The following TMEM266 variants were observed in gnomAD, a reference collection of about 807,000 sequenced individuals.
The protein encoded by TMEM266 is transmembrane protein 266.
Under a neutral mutation model 50.5 loss-of-function variants are expected in TMEM266, and 33 were observed. The ratio of observed to expected loss-of-function variants is 0.65; its 90% CI spans 0.50 to 0.87. The LOEUF (loss-of-function observed/expected upper bound fraction) is 0.87, where lower values mean the gene tolerates loss of function less well. TMEM266 is among the 40% of genes least tolerant of loss of function. The pLI is 0.00. For synonymous variants in TMEM266, 310 were observed against 292.3 expected (o/e 1.06, Z -0.62); for missense variants, 655 against 695.1 (o/e 0.94, Z 0.65).
chr15:76,169,842 G>C lies in TMEM266; in HGVS notation c.483G>C (p.Gly161=). 6.2e-7 allele frequency: 1 copy of C among 1,613,964 alleles called. No individual in the cohort carries two copies. The change falls in exon 6 of 11, where the codon GGG becomes GGC. Residue 161 remains glycine (G), a synonymous_variant. Transcript: ENST00000388942. ...CTGTTCTACGGATTGTGGTGCTTGG[G>C]ATCTGGGATTACATCGAAAACAAAA...
In TMEM266 at chr15:76,168,219, G is replaced by A. The variant is rs899671802; in HGVS notation, c.457-1597G>A. On this transcript the variant is annotated intron_variant, in intron 5 of 10. Coordinates refer to ENST00000388942, the MANE Select transcript of TMEM266 (RefSeq NM_152335.3). The surrounding 1 kb of genome is among the most constrained non-coding windows in gnomAD (Gnocchi z 4.4). ...GTGGGGCCACCCACCCAGAGACCGGGAAGTTATAGCGGAGCGGACTTCGGG... is the reference window on the plus strand; with the variant it reads ...GTGGGGCCACCCACCCAGAGACCGGAAAGTTATAGCGGAGCGGACTTCGGG... Among the ~76,000 whole-genome samples, 1 of 152,220 alleles carries A rather than the reference G, an allele frequency of 6.6e-6. No homozygotes were observed. Among genetic ancestry groups the A allele is most frequent in the African/African-American group, 2.4e-5 (1 of 41,458 alleles).
chr15:76,203,845 A>G lies in TMEM266; in HGVS notation c.1126A>G (p.Lys376Glu). 6.2e-7 allele frequency: 1 copy of G among 1,614,170 alleles called. No homozygotes were observed. Among genetic ancestry groups the G allele is most frequent in the South Asian group, 1.1e-5 (1 of 91,084 alleles). Residue 376 changes from lysine to glutamate, a missense_variant, in exon 11 of 11, where the codon AAA (lysine) becomes GAA (glutamate). Around this residue, in one of 3 missense-constraint regions of TMEM266, gnomAD observed 455 missense variants for 401.8 expected, o/e 1.13. Transcript: ENST00000388942. ...CCTCTTCTCTCTGGACATGCCCCTCAAACTCGGCGGTAATGGCACCAGCGC... is the reference window on the plus strand; with the variant it reads ...CCTCTTCTCTCTGGACATGCCCCTCGAACTCGGCGGTAATGGCACCAGCGC...
intron 1 of TMEM266, among the ~76,000 whole-genome samples, chr15:76,100,329 A>G (rs757743684): frequency 5.9e-5 from 9 of 152,238 alleles, no homozygotes; most frequent in Non-Finnish European, 1.0e-4. Flanking sequence ...GATTACTTTC[A>G]TAATTTAAAA....
chr15:76,124,523 G>C (rs2037390267), intron 1 of TMEM266, among the ~76,000 whole-genome samples: 1 of 152,108 alleles, frequency 6.6e-6, no homozygotes, highest in Admixed American at 6.5e-5. Flanking sequence ...AGTGAGTTGG[G>C]TGCAGTGTCT....
At chr15:76,093,123 A>T (rs970415263) in intron 1 of TMEM266, among the ~76,000 whole-genome samples, 1 of 151,068 alleles carries the variant, frequency 6.6e-6, no homozygotes, top group African/African-American at 2.4e-5. Context: ...ATTTTTATTT[A>T]TTTATTTATT....
intron 8 of TMEM266, among the ~76,000 whole-genome samples, chr15:76,187,090 A>C (rs911012123): frequency 6.6e-6 from 1 of 152,190 alleles, no homozygotes; most frequent in Non-Finnish European, 1.5e-5. Flanking sequence ...TTTTCATTCC[A>C]AAACCTGTAA....
rs76689960 is a variant in TMEM266, at chr15:76,153,962, G to A, written c.228-2642G>A. 0.093 allele frequency among the ~76,000 whole-genome samples: 14,216 copies of A among 152,226 alleles called. 987 individuals carry two copies. The highest frequency in any genetic ancestry group is 0.21 in the Admixed American group (3,256 of 15,286). ...TGTCATCTGAGCACCTGGCTTCCCT[G>A]GCCAGGTCCCTCCCTCCTGCCCCTT... On this transcript the variant is annotated intron_variant, in intron 3 of 10. Coordinates refer to ENST00000388942, the MANE Select transcript of TMEM266 (RefSeq NM_152335.3). This position sits in a 1 kb window ranked among gnomAD's most constrained non-coding sequence, Gnocchi z 4.2.
At chr15:76,118,005 C>A (rs944321612) in intron 1 of TMEM266, among the ~76,000 whole-genome samples, 2 of 152,248 alleles carry the variant, frequency 1.3e-5, no homozygotes, top group Non-Finnish European at 2.9e-5. Context: ...GCTGGAGCCA[C>A]TGGCAGATAC....
intron 1 of TMEM266, among the ~76,000 whole-genome samples, chr15:76,074,911 A>G (rs1250931390): frequency 6.6e-6 from 1 of 151,870 alleles, no homozygotes; most frequent in Non-Finnish European, 1.5e-5. Flanking sequence ...TTGCTGATGG[A>G]TTGGTTGTGG....
intron 1 of TMEM266, among the ~76,000 whole-genome samples, chr15:76,106,202 C>T (rs953486863): frequency 1.1e-4 from 17 of 152,090 alleles, no homozygotes; most frequent in African/African-American, 2.4e-4. Flanking sequence ...GCCACGTGCA[C>T]GGCATGGTGG....
At chr15:76,145,814 A>G (rs934464082) in intron 3 of TMEM266, among the ~76,000 whole-genome samples, 1 of 152,192 alleles carries the variant, frequency 6.6e-6, no homozygotes, top group African/African-American at 2.4e-5. Context: ...TTTCATTCCA[A>G]TGCAGTTGGA....
intron 1 of TMEM266, among the ~76,000 whole-genome samples, chr15:76,099,954 C>T (rs888127675): frequency 2.0e-5 from 3 of 152,098 alleles, no homozygotes; most frequent in African/African-American, 7.2e-5. Flanking sequence ...AAGAAAGTGC[C>T]ACACAAATTT....
chr15:76,153,080 C>T lies in TMEM266; in HGVS notation c.228-3524C>T, dbSNP rs547581377. The stretch of plus-strand genomic sequence containing the variant: ...ACTTCAGACCACAGGTAACTCCAGA[C>T]GCCCACCTCCTGCAGCTTCCTAACC... On this transcript the variant is annotated intron_variant, in intron 3 of 10. Coordinates refer to ENST00000388942, the MANE Select transcript of TMEM266 (RefSeq NM_152335.3). The surrounding 1 kb of genome is among the most constrained non-coding windows in gnomAD (Gnocchi z 4.2). Among the ~76,000 whole-genome samples the T allele has an allele frequency of 1.7e-4, 26 of 151,878 alleles. No homozygotes were observed. Among genetic ancestry groups the T allele is most frequent in the African/African-American group, 2.9e-4 (12 of 41,418 alleles).
chr15:76,177,781 T>C (rs914508750), intron 8 of TMEM266, among the ~76,000 whole-genome samples: 1 of 152,236 alleles, frequency 6.6e-6, no homozygotes, highest in African/African-American at 2.4e-5. Context: ...GTGCTGGGCT[T>C]GTGCCGGGCA....
intron 8 of TMEM266, among the ~76,000 whole-genome samples, chr15:76,183,948 C>T (rs2038458103): frequency 6.6e-6 from 1 of 152,202 alleles, no homozygotes; most frequent in African/African-American, 2.4e-5. Flanking sequence ...AGCCAGGGCC[C>T]ATCTCCCCAT....
intron 8 of TMEM266, among the ~76,000 whole-genome samples, chr15:76,186,740 C>T (rs1430009311): frequency 6.6e-6 from 1 of 152,220 alleles, no homozygotes; most frequent in African/African-American, 2.4e-5. Flanking sequence ...AATCTGTTCT[C>T]CATTCTGCGG....
intron 5 of TMEM266, 90 bp from the exon 6 acceptor site, chr15:76,169,726 C>A: frequency 7.0e-7 from 1 of 1,422,428 alleles, no homozygotes; most frequent in Non-Finnish European, 9.9e-7. Context: ...TTACTGAATG[C>A]AGAAGCAGAG....
intron 3 of TMEM266, 22 bp from the exon 4 acceptor site, chr15:76,156,582 C>T (rs1279462686): frequency 1.9e-6 from 3 of 1,612,274 alleles, no homozygotes; most frequent in Non-Finnish European, 2.5e-6. Flanking sequence ...AGCCTCTCTT[C>T]TCCCCACTTT....
chr15:76,171,092 A>T lies in TMEM266; in HGVS notation c.613A>T (p.Ile205Phe). Residue 205 changes from isoleucine (I) to phenylalanine (F), a missense_variant, in exon 7 of 11, where the codon ATC becomes TTC. Transcript: ENST00000388942. ...CCCCTGGGACGCCATCAGCCTCATC[A>T]TCATGCTCCGGATCTGGAGGGTGAA... is the stretch of plus-strand genomic sequence containing the variant. 1 of 1,613,684 alleles carries T rather than the reference A, an allele frequency of 6.2e-7. No homozygotes were observed. The highest frequency in any genetic ancestry group is 1.1e-5 in the South Asian group (1 of 90,922).
Sources: allele counts gnomAD v4.1 joint callset (sites outside exome capture counted in the v4.1 genomes callset), GRCh38; gene constraint gnomAD v4.1.1; regional missense constraint gnomAD v4.1.1; non-coding constraint Gnocchi (gnomAD v3.1); transcripts MANE v1.5; gene names NCBI Gene and HGNC (gene_info 2026-07-23, HGNC 2026-07-21).